EYS: variants seen among roughly 807,000 people sequenced by gnomAD.
EYS encodes protein eyes shut homolog.
In EYS, 250 loss-of-function variants were observed where a neutral mutation model predicts 282.1. The observed-to-expected ratio is 0.89, with a 90% CI of 0.80 to 0.98. EYS has a LOEUF of 0.98. Ranked by LOEUF, EYS falls within the 50% of genes least tolerant of loss-of-function variation. The pLI is 0.00. For synonymous variants in EYS, 1,355 were observed against 1,282.9 expected, an observed-to-expected ratio of 1.06 and a Z score of -1.20; for missense variants, 4,016 against 3,709.0, an observed-to-expected ratio of 1.08 and a Z score of -2.15.
At chr6:64,321,451 T>A (rs550905202) in intron 29 of EYS, among the ~76,000 whole-genome samples, 2 of 151,818 alleles carry the variant, frequency 1.3e-5, no homozygotes, top group Admixed American at 6.6e-5. Context: ...AGTCCTATAC[T>A]TTTTTAGCCA....
At chr6:65,378,780 A>G (rs1562136063) in intron 8 of EYS, among the ~76,000 whole-genome samples, 1 of 151,766 alleles carries the variant, frequency 6.6e-6, no homozygotes, top group East Asian at 1.9e-4. Context: ...AAACTAACAC[A>G]GGAACATAAT....
At chr6:64,960,970 C>T (rs558782067) in intron 14 of EYS, among the ~76,000 whole-genome samples, 6 of 152,272 alleles carry the variant, frequency 3.9e-5, no homozygotes, top group African/African-American at 1.4e-4. Context: ...ATCCATATCC[C>T]TGCAAAGACA....
At chr6:63,994,899 A>C (rs964319799) in intron 34 of EYS, among the ~76,000 whole-genome samples, 1 of 151,974 alleles carries the variant, frequency 6.6e-6, no homozygotes, top group African/African-American at 2.4e-5. Flanking sequence ...TTAAAGACTT[A>C]AACTTAACAC....
chr6:64,227,550 A>T (rs1488438872), intron 31 of EYS, among the ~76,000 whole-genome samples: 4 of 152,094 alleles, frequency 2.6e-5, no homozygotes, highest in Non-Finnish European at 5.9e-5. Context: ...TGACCTTGAC[A>T]AAGTAATTTA....
intron 22 of EYS, among the ~76,000 whole-genome samples, chr6:64,674,898 A>C (rs1325789850): frequency 6.6e-6 from 1 of 152,102 alleles, no homozygotes; most frequent in Non-Finnish European, 1.5e-5. Context: ...ACTTTTGCCA[A>C]ACTTTCTTTT....
intron 22 of EYS, among the ~76,000 whole-genome samples, chr6:64,752,953 C>T (rs1040163186): frequency 7.2e-5 from 11 of 152,040 alleles, no homozygotes; most frequent in Admixed American, 5.2e-4. Context: ...TATGTTCAGT[C>T]TTAAAGGGAA....
chr6:64,989,016 G>A (rs1156809618), intron 14 of EYS, among the ~76,000 whole-genome samples: 1 of 150,890 alleles, frequency 6.6e-6, no homozygotes, highest in African/African-American at 2.4e-5. Flanking sequence ...AATAAAACAT[G>A]GTATATATCT....
chr6:65,597,413 AC>A (rs1302086597), intron 2 of EYS, among the ~76,000 whole-genome samples: 1 of 152,066 alleles, frequency 6.6e-6, no homozygotes, highest in African/African-American at 2.4e-5. Context: ...AGCAGGAACC[AC>A]CTTTAGCCAC....
chr6:64,707,928 A>T (rs1771086940), intron 22 of EYS, among the ~76,000 whole-genome samples: 2 of 152,148 alleles, frequency 1.3e-5, no homozygotes, highest in South Asian at 4.1e-4. Context: ...TATGAAAGGG[A>T]CTATGAAGTG....
chr6:65,507,082 T>C (rs1230920729), intron 2 of EYS, among the ~76,000 whole-genome samples: 2 of 152,068 alleles, frequency 1.3e-5, no homozygotes, highest in Non-Finnish European at 2.9e-5. Context: ...TATTTCACTC[T>C]CCCTTTTTCA....
At chr6:65,152,032 TAA>T (rs1270222362) in intron 12 of EYS, among the ~76,000 whole-genome samples, 2 of 151,962 alleles carry the variant, frequency 1.3e-5, no homozygotes, top group African/African-American at 4.8e-5. Flanking sequence ...TTAAATTATA[TAA>T]GATACTTGTA....
chr6:63,766,240 C>T (rs1158995827), intron 40 of EYS, among the ~76,000 whole-genome samples: 2 of 151,918 alleles, frequency 1.3e-5, no homozygotes, highest in Non-Finnish European at 2.9e-5. Context: ...GGCTGTATTC[C>T]AATGAATTTT....
chr6:65,492,348 GAGAA>G (rs1266761989), intron 4 of EYS, among the ~76,000 whole-genome samples: 4 of 101,480 alleles, frequency 3.9e-5, no homozygotes, highest in South Asian at 6.5e-4. Flanking sequence ...AACAAACAAA[GAGAA>G]AGAAAGAAAG....
chr6:64,825,968 T>C (rs1765045275), intron 19 of EYS, among the ~76,000 whole-genome samples: 1 of 151,840 alleles, frequency 6.6e-6, no homozygotes, highest in Non-Finnish European at 1.5e-5. Flanking sequence ...ATTGTTTATC[T>C]TCATAGGATA....
At chr6:65,379,721 T>C (rs988034105) in intron 8 of EYS, among the ~76,000 whole-genome samples, 6 of 151,992 alleles carry the variant, frequency 3.9e-5, no homozygotes, top group Admixed American at 3.3e-4. Flanking sequence ...GAAAACCCCA[T>C]CGTCTCAGTC....
intron 12 of EYS, among the ~76,000 whole-genome samples, chr6:65,211,169 G>T (rs931119546): frequency 6.6e-6 from 1 of 152,024 alleles, no homozygotes; most frequent in African/African-American, 2.4e-5. Context: ...AATAGGAGAA[G>T]TATTGGAGTT....
At chr6:63,877,616 G>T (rs1166239951) in intron 35 of EYS, among the ~76,000 whole-genome samples, 2 of 133,214 alleles carry the variant, frequency 1.5e-5, no homozygotes, top group Non-Finnish European at 3.2e-5. Flanking sequence ...CCAATCAGAC[G>T]TAGATTTGTT....
At chr6:64,778,985 C>T (rs775355103) in intron 22 of EYS, among the ~76,000 whole-genome samples, 2 of 152,132 alleles carry the variant, frequency 1.3e-5, no homozygotes, top group Admixed American at 6.6e-5. Context: ...AAAACACTGA[C>T]AACACCAAAT....
intron 19 of EYS, among the ~76,000 whole-genome samples, chr6:64,840,105 T>A (rs1469836956): frequency 1.3e-5 from 2 of 152,080 alleles, no homozygotes; most frequent in Non-Finnish European, 2.9e-5. Context: ...CAAATAAACC[T>A]GATTAAGAAC....
Sources: gnomAD v4.1 joint callset for allele counts (sites outside exome capture counted in the v4.1 genomes callset) on GRCh38, gnomAD v4.1.1 for gene constraint, MANE v1.5 for transcripts, NCBI Gene and HGNC (gene_info 2026-07-23, HGNC 2026-07-21) for gene names.